The following ATP7B variants were observed in gnomAD, a reference collection of about 807,000 sequenced individuals.
ATP7B encodes copper-transporting ATPase 2.
Under a neutral mutation model 118.9 loss-of-function variants are expected in ATP7B, and 113 were observed. That is an observed-to-expected ratio of 0.95 (90% CI 0.82 to 1.11). The LOEUF (loss-of-function observed/expected upper bound fraction) is 1.11. Among genes scored for constraint, ATP7B ranks in the 50% most tolerant of loss-of-function variants. The pLI, the probability that ATP7B is intolerant of heterozygous loss-of-function variation, is 0.00. For synonymous variants in ATP7B, 777 were observed against 727.4 expected, an observed-to-expected ratio of 1.07 and a Z score of -1.10; for missense variants, 1,867 against 1,871.4, an observed-to-expected ratio of 1.00 and a Z score of 0.04.
At chr13:51,995,851 C>T (rs1953179755) in intron 1 of ATP7B, among the ~76,000 whole-genome samples, 1 of 152,204 alleles carries the variant, frequency 6.6e-6, no homozygotes, top group Admixed American at 6.5e-5. Context: ...GATCTTTGCA[C>T]ACAGCCCATG....
chr13:51,935,880 G>A (rs1226783803), intron 19 of ATP7B, among the ~76,000 whole-genome samples, 185 bp from the exon 20 acceptor site: 1 of 152,250 alleles, frequency 6.6e-6, no homozygotes, highest in African/African-American at 2.4e-5. Flanking sequence ...TAGAAAGCTG[G>A]GTGTGGGATG....
At chr13:52,004,664 A>G (rs1485327296) in intron 1 of ATP7B, among the ~76,000 whole-genome samples, 1 of 152,054 alleles carries the variant, frequency 6.6e-6, no homozygotes, top group Non-Finnish European at 1.5e-5. Flanking sequence ...ACTTTAACCA[A>G]TCAATTATTC....
intron 5 of ATP7B, among the ~76,000 whole-genome samples, chr13:51,964,108 A>AACACACACACAC (rs17334263): frequency 9.6e-5 from 14 of 145,746 alleles, no homozygotes; most frequent in African/African-American, 2.8e-4. Context: ...TCTCTCTTTA[A>AACACACACACAC]ACACACACAC....
Position 51,934,692 on chromosome 13 carries a change from C to T in ATP7B, c.*64G>A, listed in dbSNP as rs1410516911. ...CTAGCTCAGCCCATCCTGCTGCTGG[C>T]TGTCCTGCTCAGCTTGTGGTGAGTG... On this transcript the variant is annotated 3_prime_UTR_variant, in exon 21 of 21. Coordinates refer to ENST00000242839, the MANE Select transcript of ATP7B (RefSeq NM_000053.4). 2 of 1,603,670 alleles carry T rather than the reference C, an allele frequency of 1.2e-6. No individual in the cohort carries two copies. The highest frequency in any genetic ancestry group is 1.3e-5 in the African/African-American group (1 of 74,948).
At chr13:51,957,747 G>T (rs1212273355) in intron 8 of ATP7B, 140 bp from the exon 9 acceptor site, 11 of 770,308 alleles carry the variant, frequency 1.4e-5, no homozygotes, top group Non-Finnish European at 2.2e-5. Flanking sequence ...CTCTGCAGGT[G>T]GGCGTTACTT....
rs539416722 is a variant in ATP7B, at chr13:52,010,601, T to A, written c.51+686A>T. ...AAAAAAGAGAATGCACATACAGTGA[T>A]CTCATTTAGGTAAAACAAAAATTTT... On this transcript the variant is annotated intron_variant, in intron 1 of 20. Coordinates refer to ENST00000242839, the MANE Select transcript of ATP7B (RefSeq NM_000053.4). Among the ~76,000 whole-genome samples, 40 of 152,330 alleles carry A rather than the reference T, an allele frequency of 2.6e-4. No homozygotes were observed. In the East Asian group the frequency reaches 7.7e-3, roughly 29 times the overall value.
At position 51,937,361 on chromosome 13, in the gene ATP7B, G is replaced by T. The variant is rs1215843572; in HGVS notation, c.3936C>A (p.His1312Gln). The change falls in exon 19 of 21, where the codon CAC becomes CAA. Residue 1312 changes from histidine to glutamine, a missense_variant. His to Gln is a conservative substitution (Grantham distance 24, BLOSUM62 0). Coordinates refer to ENST00000242839, the MANE Select transcript of ATP7B (RefSeq NM_000053.4). ...TCCTTCGGACAGTCCTCTTGGAAAG[G>T]TGAATGCTAGCCACCACATCCAGCA... ...NDLLDVVASI[H>Q]LSKRTVRRIR... 2 of 1,614,118 alleles carry T rather than the reference G, an allele frequency of 1.2e-6. No homozygotes were observed. The highest frequency in any genetic ancestry group is 2.7e-5 in the African/African-American group (2 of 74,936).
chr13:52,006,132 G>A (rs1953758223), intron 1 of ATP7B, among the ~76,000 whole-genome samples: 1 of 152,190 alleles, frequency 6.6e-6, no homozygotes, highest in South Asian at 2.1e-4. Flanking sequence ...TTTAGTTAAT[G>A]AATATCTATA....
Position 51,944,163 on chromosome 13 carries a change from C to T in ATP7B, c.3189G>A (p.Ala1063=), listed in dbSNP as rs370527611. The T allele has an allele frequency of 2.7e-5, 43 of 1,614,042 alleles. No individual in the cohort carries two copies. The highest frequency in any genetic ancestry group is 3.3e-5 in the Admixed American group (2 of 59,998). ...CCAAGGGGTGTTCACTGCTGGCCTCCGCAGTCCCCACCACAGCCAGAACCT... is the reference window on the plus strand; with the variant it reads ...CCAAGGGGTGTTCACTGCTGGCCTCTGCAGTCCCCACCACAGCCAGAACCT... ...LRKVLAVVGT[A]EASSEHPLGV... The change falls in exon 14 of 21, where the codon GCG becomes GCA. Residue 1063 remains alanine (A), a synonymous_variant. Coordinates refer to ENST00000242839, the MANE Select transcript of ATP7B (RefSeq NM_000053.4).
At chr13:51,986,189 G>A (rs750976772) in intron 1 of ATP7B, among the ~76,000 whole-genome samples, 13 of 152,126 alleles carry the variant, frequency 8.5e-5, no homozygotes, top group Non-Finnish European at 1.0e-4. Context: ...AAGAAGAAAA[G>A]AGAGAGGAAT....
At chr13:51,991,912 C>A (rs1385147380) in intron 1 of ATP7B, among the ~76,000 whole-genome samples, 1 of 152,170 alleles carries the variant, frequency 6.6e-6, no homozygotes, top group Non-Finnish European at 1.5e-5. Context: ...CCAGGCTTAG[C>A]CCTGCTCACA....
intron 4 of ATP7B, among the ~76,000 whole-genome samples, chr13:51,966,185 C>T (rs796179539): frequency 4.9e-4 from 75 of 152,338 alleles, no homozygotes; most frequent in African/African-American, 1.8e-3. Context: ...TGGTGCTGTC[C>T]TAGGCATTGT....
At chr13:51,996,614 C>T (rs1454459465) in intron 1 of ATP7B, among the ~76,000 whole-genome samples, 13 of 152,208 alleles carry the variant, frequency 8.5e-5, no homozygotes, top group African/African-American at 3.1e-4. Context: ...AGAACACATG[C>T]CCAAGGTCAC....
intron 5 of ATP7B, among the ~76,000 whole-genome samples, chr13:51,963,016 C>T (rs548122046): frequency 6.6e-5 from 10 of 151,686 alleles, no homozygotes; most frequent in Non-Finnish European, 1.3e-4. Flanking sequence ...TGCTTGAACC[C>T]GGGAGGCAGA....
intron 15 of ATP7B, among the ~76,000 whole-genome samples, chr13:51,942,028 T>C (rs1469130266): frequency 6.6e-6 from 1 of 152,186 alleles, no homozygotes; most frequent in Non-Finnish European, 1.5e-5. Context: ...TCTGCCTGCT[T>C]TGTAAATACC....
At chr13:51,958,648 C>T (rs1443467914) in intron 7 of ATP7B, 104 bp from the exon 8 acceptor site, 3 of 964,184 alleles carry the variant, frequency 3.1e-6, no homozygotes, top group African/African-American at 1.6e-5. Context: ...TAGCTTTGTG[C>T]ACAGTCGTGA....
At chr13:51,971,275 C>T (rs750231045) in intron 2 of ATP7B, among the ~76,000 whole-genome samples, 10 of 152,196 alleles carry the variant, frequency 6.6e-5, no homozygotes, top group Non-Finnish European at 1.5e-4. Flanking sequence ...ATAATTTTTA[C>T]TATACATATG....
In ATP7B at chr13:51,937,303, T is replaced by A; in HGVS notation, c.3994A>T (p.Asn1332Tyr). 1 of 1,614,186 alleles carries A rather than the reference T, an allele frequency of 6.2e-7. No homozygotes were observed. Among genetic ancestry groups the A allele is most frequent in the Non-Finnish European group, 8.5e-7 (1 of 1,180,032 alleles). ...GCTGCAATGGGTATCCCAACCAGGT[T>A]ATAAATCAGTGCCAGGACCAGGTTG... ...RINLVLALIY[N>Y]LVGIPIAAGV... Residue 1332 changes from asparagine to tyrosine, a missense_variant, in exon 19 of 21, where the codon AAC (asparagine) becomes TAC (tyrosine). Asn to Tyr is a moderately radical substitution (Grantham distance 143). Coordinates refer to ENST00000242839, the MANE Select transcript of ATP7B (RefSeq NM_000053.4).
At position 51,946,276 on chromosome 13, in the gene ATP7B, A is replaced by C; in HGVS notation, c.3060+8T>G. The C allele has an allele frequency of 6.4e-7, 1 of 1,573,240 alleles. No individual in the cohort carries two copies. The highest frequency in any genetic ancestry group is 8.6e-7 in the Non-Finnish European group (1 of 1,159,102). On this transcript the variant is annotated splice_region_variant and intron_variant, in intron 13 of 20. Coordinates refer to ENST00000242839, the MANE Select transcript of ATP7B (RefSeq NM_000053.4). ...CTCAGGATGGGGAAAGCCGTGCTAC[A>C]GGCTGACCTTGTGCGCCATCTCCAG...
Sources: gnomAD v4.1 joint callset for allele counts (sites outside exome capture counted in the v4.1 genomes callset) on GRCh38, gnomAD v4.1.1 for gene constraint, MANE v1.5 for transcripts, NCBI Gene and HGNC (gene_info 2026-07-23, HGNC 2026-07-21) for gene names.